Variants in SVOPL observed in about 807,000 individuals in gnomAD.
SVOPL encodes the protein putative transporter SVOPL.
A neutral mutation model predicts 61.0 loss-of-function variants in SVOPL; 60 were observed. The observed-to-expected ratio is 0.98, with a 90% CI of 0.80 to 1.22. The LOEUF is 1.22. SVOPL is among the 50% of genes most tolerant of loss of function. SVOPL has a pLI of 0.00. For synonymous variants in SVOPL, 279 were observed against 250.0 expected (o/e 1.12, Z -1.09); for missense variants, 662 against 643.9 (o/e 1.03, Z -0.30).
In SVOPL at chr7:138,643,367, G is replaced by C. The variant is rs1800928820; in HGVS notation, c.789+1350C>G. On this transcript the variant is annotated intron_variant, in intron 9 of 15. Coordinates refer to ENST00000674285, the MANE Select transcript of SVOPL (RefSeq NM_001139456.2). Reference sequence around the variant, plus strand: ...TTGAACCAGGGAGTCGGAAGTTGCAGTGAGCCAAGATCACGCCACTGCACT... The same window carrying C: ...TTGAACCAGGGAGTCGGAAGTTGCACTGAGCCAAGATCACGCCACTGCACT... Among the ~76,000 whole-genome samples the C allele has an allele frequency of 2.8e-5, 4 of 144,968 alleles. No homozygotes were observed. In the South Asian group the frequency reaches 8.8e-4, roughly 32 times the overall value.
chr7:138,669,588 A>G lies in SVOPL; in HGVS notation c.273+2431T>C, dbSNP rs142401450. ...GGCAGCTCCCAGAGATCACCTGGAT[A>G]ACAGAACAACCTTTGTTCCTGTGCA... On this transcript the variant is annotated intron_variant, in intron 4 of 15. Transcript: ENST00000674285. Among the ~76,000 whole-genome samples, 60 of 152,292 alleles carry G rather than the reference A, an allele frequency of 3.9e-4. No homozygotes were observed. In the East Asian group the frequency reaches 6.0e-3, roughly 15 times the overall value.
chr7:138,690,728 G>A (rs1171020584), intron 1 of SVOPL, among the ~76,000 whole-genome samples: 2 of 151,894 alleles, frequency 1.3e-5, no homozygotes, highest in Admixed American at 1.3e-4. Flanking sequence ...GCACAACCTT[G>A]TGAACATACT....
chr7:138,688,192 C>G (rs909695226), intron 1 of SVOPL, among the ~76,000 whole-genome samples: 10 of 152,036 alleles, frequency 6.6e-5, no homozygotes, highest in African/African-American at 2.4e-4. Flanking sequence ...AAAAGAGACT[C>G]AACATCATTG....
At chr7:138,669,513 A>C (rs887054257) in intron 4 of SVOPL, among the ~76,000 whole-genome samples, 2 of 152,212 alleles carry the variant, frequency 1.3e-5, no homozygotes, top group Admixed American at 6.5e-5. Context: ...AGAAAAGAGA[A>C]GAGGCTGGGG....
chr7:138,647,733 A>C (rs1470228599), intron 8 of SVOPL, among the ~76,000 whole-genome samples: 1 of 151,646 alleles, frequency 6.6e-6, no homozygotes, highest in Non-Finnish European at 1.5e-5. Context: ...CTGCAACCCC[A>C]GGTACTCAGG....
chr7:138,661,154 T>G, intron 5 of SVOPL: 2 of 985,402 alleles, frequency 2.0e-6, no homozygotes, highest in Non-Finnish European at 2.4e-6. Context: ...GATTCCTCCA[T>G]TTGTGTTTAT....
chr7:138,672,247 A>G, intron 3 of SVOPL, 130 bp from the exon 4 acceptor site: 1 of 754,716 alleles, frequency 1.3e-6, no homozygotes, highest in Admixed American at 2.3e-5. Context: ...GATCTATTGT[A>G]TACCCACACT....
intron 4 of SVOPL, chr7:138,664,261 C>T: frequency 5.1e-6 from 5 of 985,292 alleles, no homozygotes; most frequent in Non-Finnish European, 6.0e-6. Flanking sequence ...GCGCCTAACC[C>T]TCCAGCGTCC....
chr7:138,630,609 T>C (rs1474881858), intron 9 of SVOPL, among the ~76,000 whole-genome samples: 1 of 152,206 alleles, frequency 6.6e-6, no homozygotes, highest in Non-Finnish European at 1.5e-5. Flanking sequence ...TTAGCAAAAG[T>C]TCTTGTCCAT....
At chr7:138,679,188 G>C in intron 1 of SVOPL, 109 bp from the exon 2 acceptor site, 1 of 706,212 alleles carries the variant, frequency 1.4e-6, no homozygotes, top group South Asian at 1.9e-5. Context: ...CACAAAAATC[G>C]AATGAGGTAT....
At chr7:138,649,925 G>A (rs112643052) in intron 7 of SVOPL, among the ~76,000 whole-genome samples, 22 of 152,092 alleles carry the variant, frequency 1.4e-4, no homozygotes, top group African/African-American at 5.3e-4. Flanking sequence ...TCTGCCTCCC[G>A]GGTTCAAGCA....
In SVOPL at chr7:138,629,988, TA is replaced by T. The variant is rs1021593353; in HGVS notation, c.863+60del. 3 of 1,401,530 alleles carry T rather than the reference TA, an allele frequency of 2.1e-6. No homozygotes were observed. In the African/African-American group the frequency reaches 4.3e-5, roughly 20 times the overall value. The allele number at this position is 1,401,530 out of a possible 1,614,324, so 86.8% of individuals were successfully genotyped here. A position where few individuals can be genotyped will look rare whatever the true frequency, so the allele number is the denominator to read the frequency against. On this transcript the variant is annotated intron_variant, in intron 10 of 15. Coordinates refer to ENST00000674285, the MANE Select transcript of SVOPL (RefSeq NM_001139456.2). ...CCAGTGGCACTCACATAGATTTACTTAAATAGGCTTCCTCCCAATGCCTCTA... is the reference window on the plus strand; with the variant it reads ...CCAGTGGCACTCACATAGATTTACTTAATAGGCTTCCTCCCAATGCCTCTA...
chr7:138,611,850 C>A (rs1407277954), intron 14 of SVOPL, among the ~76,000 whole-genome samples: 12 of 71,938 alleles, frequency 1.7e-4, no homozygotes, highest in East Asian at 4.4e-4. Context: ...TCCCAAAGTG[C>A]CGAGATTGCA....
At chr7:138,673,215 G>T (rs1026155884) in intron 3 of SVOPL, among the ~76,000 whole-genome samples, 3 of 152,152 alleles carry the variant, frequency 2.0e-5, no homozygotes, top group African/African-American at 4.8e-5. Flanking sequence ...GAAAAAGCTG[G>T]AATGATGTCA....
intron 4 of SVOPL, among the ~76,000 whole-genome samples, chr7:138,664,560 C>T (rs1802169063): frequency 6.6e-6 from 1 of 150,718 alleles, no homozygotes; most frequent in African/African-American, 2.4e-5. Context: ...ATCAGGCGCG[C>T]GCCTAACCCT....
chr7:138,679,127 G>T, intron 1 of SVOPL, 48 bp from the exon 2 acceptor site: 2 of 1,335,614 alleles, frequency 1.5e-6, no homozygotes, highest in East Asian at 2.5e-5. Flanking sequence ...AATGGTTATT[G>T]GATAGTTAGT....
At chr7:138,699,599 G>A (rs1803145662) in intron 1 of SVOPL, among the ~76,000 whole-genome samples, 1 of 152,180 alleles carries the variant, frequency 6.6e-6, no homozygotes, top group Non-Finnish European at 1.5e-5. Context: ...TCTTACTTAT[G>A]AGAGGCACGA....
chr7:138,631,992 A>ACACACACACACACC (rs1224217933), intron 9 of SVOPL, among the ~76,000 whole-genome samples: 4 of 150,616 alleles, frequency 2.7e-5, no homozygotes, highest in East Asian at 3.9e-4. Flanking sequence ...ACATACACAC[A>ACACACACACACACC]CCCCTACACC....
At chr7:138,686,271 TGGGCACCTGTA>T (rs1158244270) in intron 1 of SVOPL, among the ~76,000 whole-genome samples, 1 of 151,626 alleles carries the variant, frequency 6.6e-6, no homozygotes, top group Admixed American at 6.6e-5. Context: ...GGCGTGGTGG[TGGGCACCTGTA>T]ATCCCAGCTA....
Sources: gnomAD v4.1 joint callset for allele counts (sites outside exome capture counted in the v4.1 genomes callset) on GRCh38, gnomAD v4.1.1 for gene constraint, MANE v1.5 for transcripts, NCBI Gene and HGNC (gene_info 2026-07-23, HGNC 2026-07-21) for gene names.